The following USP54 variants were observed in gnomAD, a reference collection of about 807,000 sequenced individuals.
USP54 encodes the protein ubiquitin specific peptidase 54.
In USP54, 87 loss-of-function variants were observed where a neutral mutation model predicts 170.5. The ratio of observed to expected loss-of-function variants is 0.51; its 90% CI spans 0.43 to 0.61. The LOEUF (loss-of-function observed/expected upper bound fraction) is 0.61, where lower values mean the gene tolerates loss of function less well. USP54 is among the 20% of genes least tolerant of loss of function. The probability of loss-of-function intolerance (pLI) is 0.00; values close to 1 mark genes in which losing one functional copy is unlikely to be tolerated. For missense variants in USP54, 1,786 were observed against 2,047.8 expected, an observed-to-expected ratio of 0.87 and a Z score of 2.47; for synonymous variants, 655 against 742.8, an observed-to-expected ratio of 0.88 and a Z score of 1.92.
At chr10:73,603,609 G>A (rs556394427) in intron 1 of USP54, among the ~76,000 whole-genome samples, 4 of 152,140 alleles carry the variant, frequency 2.6e-5, no homozygotes, top group South Asian at 2.1e-4. Flanking sequence ...TTAATCAGGC[G>A]TGGTGGCGCA....
chr10:73,539,565 GC>G lies in USP54; in HGVS notation c.853del (p.Ala285ProfsTer8). On this transcript the variant is annotated frameshift_variant, in exon 10 of 24. Transcript: ENST00000687698. LOFTEE classifies it high-confidence loss of function. ...DLFFRVTDDRAKQSELYLVGM... is the reference protein window; with the variant it reads ...DLFFRVTDDRXKQSELYLVGM... ...AACTAAGTACAGTTCAGATTGCTTG[GC>G]CCGGTCATCCGTCACTCTGAAAAAC... is the stretch of plus-strand genomic sequence containing the variant. 1 of 1,607,710 alleles carries G rather than the reference GC, an allele frequency of 6.2e-7. No homozygotes were observed. Among genetic ancestry groups the G allele is most frequent in the South Asian group, 1.1e-5 (1 of 90,178 alleles).
chr10:73,516,386 A>G lies in USP54; in HGVS notation c.4040T>C (p.Leu1347Pro), dbSNP rs772821962. 23 of 1,609,882 alleles carry G rather than the reference A, an allele frequency of 1.4e-5. No individual in the cohort carries two copies. The South Asian group carries it at 2.5e-4, about 18-fold the overall frequency. ...GGTTGCATTCTTACCTGTTTGGCTA[A>G]GTGGGTGCCAGGCGGTATCCTGCTG... is the stretch of plus-strand genomic sequence containing the variant. ...WGQQDTAWHP[L>P]SQTGSADGMG... is the part of the protein sequence containing the mutation. The change falls in exon 20 of 24, where the codon CTT becomes CCT. Residue 1347 changes from leucine to proline, a missense_variant. Leu to Pro is a moderately conservative substitution (Grantham distance 98). This residue lies in a region of USP54 where 1,418 missense variants were observed against 1,569.0 expected (regional missense o/e 0.90). Coordinates refer to ENST00000687698, the MANE Select transcript of USP54 (RefSeq NM_001391956.1).
chr10:73,602,369 T>G (rs1377691456), intron 1 of USP54, among the ~76,000 whole-genome samples: 1 of 150,696 alleles, frequency 6.6e-6, no homozygotes, highest in Admixed American at 6.6e-5. Context: ...TGGCTAACAC[T>G]GTGAAACCCC....
chr10:73,576,215 A>T lies in USP54; in HGVS notation c.-435T>A, dbSNP rs1422481892. ...CTGCAAAAGGTTCCACAAAGCCAAG[A>T]AGAAGCCTGTTTGAATCATCTGAGG... On this transcript the variant is annotated 5_prime_UTR_variant, in exon 2 of 24. Coordinates refer to ENST00000687698, the MANE Select transcript of USP54 (RefSeq NM_001391956.1). 1 of 152,250 alleles carries T rather than the reference A, an allele frequency of 6.6e-6. No homozygotes were observed. Among genetic ancestry groups the T allele is most frequent in the Non-Finnish European group, 1.5e-5 (1 of 68,070 alleles). The allele number at this position is 152,250 out of a possible 1,614,324, so 9.4% of individuals were successfully genotyped here. A position where few individuals can be genotyped will look rare whatever the true frequency, so the allele number is the denominator to read the frequency against.
At chr10:73,615,747 C>G (rs1362159174) in intron 1 of USP54, among the ~76,000 whole-genome samples, 3 of 149,038 alleles carry the variant, frequency 2.0e-5, no homozygotes, top group Non-Finnish European at 4.4e-5. Context: ...ATAGCAAAAC[C>G]CTTTTTCTAT....
intron 20 of USP54, chr10:73,507,004 A>C (rs1193670461): frequency 1.3e-5 from 2 of 152,170 alleles, no homozygotes; most frequent in Admixed American, 6.6e-5. Flanking sequence ...TAGAAGAATA[A>C]ATACATTATG....
chr10:73,598,690 T>G (rs2078933640), intron 1 of USP54, among the ~76,000 whole-genome samples: 1 of 151,840 alleles, frequency 6.6e-6, no homozygotes, highest in Non-Finnish European at 1.5e-5. Context: ...GGCGGGTGGA[T>G]CACGAGGTCA....
Position 73,534,613 on chromosome 10 carries a change from G to A in USP54, c.1302C>T (p.Ser434=). The A allele has an allele frequency of 1.2e-6, 2 of 1,614,004 alleles. No homozygotes were observed. Among genetic ancestry groups the A allele is most frequent in the Non-Finnish European group, 1.7e-6 (2 of 1,179,932 alleles). Residue 434 remains serine (S), a synonymous_variant, in exon 12 of 24, where the codon AGC becomes AGT. Coordinates refer to ENST00000687698, the MANE Select transcript of USP54 (RefSeq NM_001391956.1). ...ATAAGTCCCTACCTGTGTCCCGACT[G>A]CTCTGAGACATGGAATCATTTTCCA... ...YNVENDSMSQ[S]SRDTGHLTDS...
intron 1 of USP54, among the ~76,000 whole-genome samples, chr10:73,588,493 C>T (rs1428628266): frequency 6.6e-6 from 1 of 152,254 alleles, no homozygotes; most frequent in Admixed American, 6.5e-5. Context: ...CAAAGTGCTG[C>T]GATTACAGGC....
chr10:73,592,471 CAAAAA>C (rs367984467), upstream of USP54, among the ~76,000 whole-genome samples: 1 of 67,362 alleles, frequency 1.5e-5, no homozygotes. Context: ...GAAAGTGCCA[CAAAAA>C]AAAAAAAAAA....
At chr10:73,599,842 A>C (rs2079022227) in intron 1 of USP54, among the ~76,000 whole-genome samples, 1 of 152,026 alleles carries the variant, frequency 6.6e-6, no homozygotes, top group African/African-American at 2.4e-5. Flanking sequence ...CAGAGAAATT[A>C]AAATTATTTG....
At chr10:73,502,716 G>A (rs1425704342) in intron 22 of USP54, among the ~76,000 whole-genome samples, 1 of 152,020 alleles carries the variant, frequency 6.6e-6, no homozygotes, top group Non-Finnish European at 1.5e-5. Flanking sequence ...TCCTTTTAGG[G>A]TTCTTCAGAA....
In USP54 at chr10:73,536,396, C is replaced by T. The variant is rs1395061537; in HGVS notation, c.1017G>A (p.Lys339=). Reference sequence around the variant, plus strand: ...GCAGCAGCAGGGGCTGATAATGCCCCTTGATGCATTTGGTCACCACATCCT... The same window carrying T: ...GCAGCAGCAGGGGCTGATAATGCCCTTTGATGCATTTGGTCACCACATCCT... ...KWKDVVTKCI[K]GHYQPLLLLY... The change falls in exon 11 of 24, where the codon AAG becomes AAA. Residue 339 remains lysine, a synonymous_variant. Transcript: ENST00000687698. The T allele has an allele frequency of 1.3e-5, 20 of 1,589,836 alleles. No homozygotes were observed. The highest frequency in any genetic ancestry group is 3.5e-5 in the Admixed American group (2 of 56,354).
At chr10:73,520,103 G>A in intron 18 of USP54, 111 bp from the exon 19 acceptor site, 1 of 1,452,234 alleles carries the variant, frequency 6.9e-7, no homozygotes, top group Non-Finnish European at 9.2e-7. Flanking sequence ...CTCAAAATAT[G>A]TAGCAGGAAC....
intron 1 of USP54, among the ~76,000 whole-genome samples, chr10:73,602,951 T>C (rs1334916787): frequency 6.6e-6 from 1 of 152,012 alleles, no homozygotes; most frequent in Admixed American, 6.6e-5. Context: ...CAACAAACAT[T>C]TCTATACACC....
chr10:73,570,995 G>A (rs557937982), intron 4 of USP54, among the ~76,000 whole-genome samples: 4 of 151,764 alleles, frequency 2.6e-5, no homozygotes, highest in South Asian at 4.2e-4. Context: ...AAAATTAACC[G>A]AGCATGGTGG....
intron 4 of USP54, among the ~76,000 whole-genome samples, chr10:73,561,906 C>A (rs1369641373): frequency 1.3e-5 from 2 of 151,982 alleles, no homozygotes; most frequent in African/African-American, 4.8e-5. Flanking sequence ...GACTTACTAC[C>A]AGAAATACAG....
At chr10:73,514,186 G>A (rs1004964621) in intron 20 of USP54, among the ~76,000 whole-genome samples, 1 of 152,010 alleles carries the variant, frequency 6.6e-6, no homozygotes, top group Admixed American at 6.6e-5. Context: ...TCAATCTCCT[G>A]ACCTCATGAT....
chr10:73,606,878 CAAAAAA>C (rs200071977), intron 1 of USP54, among the ~76,000 whole-genome samples: 15 of 55,916 alleles, frequency 2.7e-4, no homozygotes, highest in Middle Eastern at 0.01. Context: ...GACAATATCT[CAAAAAA>C]AAAAAAAAAA....
Sources: gnomAD v4.1 joint callset for allele counts (sites outside exome capture counted in the v4.1 genomes callset) on GRCh38, gnomAD v4.1.1 for gene constraint, gnomAD v4.1.1 regional missense constraint, MANE v1.5 for transcripts, NCBI Gene and HGNC (gene_info 2026-07-23, HGNC 2026-07-21) for gene names.